ADK: variants seen among roughly 807,000 people sequenced by gnomAD.
ADK encodes the protein N6,N6-dimethyladenosine kinase.
ADK carries 24 observed loss-of-function variants against 44.7 expected under a neutral mutation model. The observed-to-expected ratio is 0.54, with a 90% CI of 0.39 to 0.76. The LOEUF is 0.76. ADK is among the 30% of genes least tolerant of loss of function. The probability of loss-of-function intolerance (pLI) is 0.00; values close to 1 mark genes in which losing one functional copy is unlikely to be tolerated. For missense variants in ADK, 321 were observed against 425.1 expected (o/e 0.76, Z 2.15); for synonymous variants, 128 against 142.6 (o/e 0.90, Z 0.73).
chr10:74,662,104 T>C (rs1295151171), intron 9 of ADK, among the ~76,000 whole-genome samples: 1 of 152,232 alleles, frequency 6.6e-6, no homozygotes, highest in Non-Finnish European at 1.5e-5. Context: ...CTGTTAATAC[T>C]TAATCCATAT....
At chr10:74,627,718 C>A (rs966308329) in intron 9 of ADK, among the ~76,000 whole-genome samples, 1 of 152,026 alleles carries the variant, frequency 6.6e-6, no homozygotes, top group East Asian at 1.9e-4. Flanking sequence ...CTGCAACCTC[C>A]GCCCCCTGGG....
At chr10:74,151,436 C>T in intron 1 of ADK, 93 bp downstream of exon 1, 3 of 1,357,662 alleles carry the variant, frequency 2.2e-6, no homozygotes, top group South Asian at 1.3e-5. Flanking sequence ...TGGGTGGTGT[C>T]TCTCACTGCC....
At chr10:74,677,989 A>T (rs2134222019) in intron 10 of ADK, among the ~76,000 whole-genome samples, 1 of 149,838 alleles carries the variant, frequency 6.7e-6, no homozygotes, top group Non-Finnish European at 1.5e-5. Context: ...AAAAAAAAAA[A>T]AAATAGCCAG....
intron 9 of ADK, among the ~76,000 whole-genome samples, chr10:74,617,157 A>G (rs1852796660): frequency 6.6e-6 from 1 of 152,176 alleles, no homozygotes; most frequent in Admixed American, 6.5e-5. Context: ...ATTCTCATAC[A>G]GTACTTTTTT....
chr10:74,581,021 TACACACACACAC>T (rs143153735), intron 7 of ADK, among the ~76,000 whole-genome samples: 27 of 145,244 alleles, frequency 1.9e-4, no homozygotes, highest in Non-Finnish European at 3.2e-4. Context: ...CAATAATAAA[TACACACACACAC>T]ACACACACAC....
intron 4 of ADK, among the ~76,000 whole-genome samples, chr10:74,345,777 A>G (rs976470953): frequency 2.6e-5 from 4 of 152,220 alleles, no homozygotes; most frequent in African/African-American, 9.7e-5. Context: ...TCAGTAGACT[A>G]TTTCATAAAA....
chr10:74,537,290 C>T (rs1012878540), intron 7 of ADK, among the ~76,000 whole-genome samples: 11 of 152,174 alleles, frequency 7.2e-5, no homozygotes, highest in African/African-American at 2.7e-4. Context: ...TTAAATTACA[C>T]ATCTGAATTG....
At chr10:74,179,672 T>C (rs2132077440) in intron 1 of ADK, among the ~76,000 whole-genome samples, 1 of 152,288 alleles carries the variant, frequency 6.6e-6, no homozygotes, top group South Asian at 2.1e-4. Context: ...TTCTGAGATA[T>C]CAGAACTGAT....
intron 2 of ADK, among the ~76,000 whole-genome samples, chr10:74,205,611 G>A (rs1056282429): frequency 4.0e-5 from 6 of 150,454 alleles, no homozygotes. Context: ...GGGAGGCGGA[G>A]GTTGCAGTAA....
chr10:74,160,725 G>GTGTGTGTGTGTGTA (rs753375980), intron 1 of ADK, among the ~76,000 whole-genome samples: 46 of 150,968 alleles, frequency 3.0e-4, no homozygotes, highest in African/African-American at 8.6e-4. Context: ...GTGTATGTGT[G>GTGTGTGTGTGTGTA]TGTGTAGGTA....
chr10:74,561,413 G>A (rs1850452683), intron 7 of ADK, among the ~76,000 whole-genome samples: 2 of 152,180 alleles, frequency 1.3e-5, no homozygotes, highest in South Asian at 2.1e-4. Context: ...AAGACTAGGA[G>A]TCTGAGGTGA....
intron 6 of ADK, among the ~76,000 whole-genome samples, chr10:74,435,636 C>A (rs1268972833): frequency 6.6e-6 from 1 of 152,070 alleles, no homozygotes; most frequent in Non-Finnish European, 1.5e-5. Flanking sequence ...CTCATAATAG[C>A]AAAATCTTGA....
Position 74,681,806 on chromosome 10 carries a change from C to T in ADK, c.964+11537C>T, listed in dbSNP as rs185324416. On this transcript the variant is annotated intron_variant, in intron 10 of 10. Transcript: ENST00000539909. ...CAGAGGTTGCAGTAACCCAAGATCACGCCACTGCACTCCAGCCTGGGCGAC... is the reference window on the plus strand; with the variant it reads ...CAGAGGTTGCAGTAACCCAAGATCATGCCACTGCACTCCAGCCTGGGCGAC... Among the ~76,000 whole-genome samples, 647 of 148,206 alleles carry T rather than the reference C, an allele frequency of 4.4e-3. 7 individuals carry two copies. Among genetic ancestry groups the T allele is most frequent in the African/African-American group, 0.015 (607 of 40,176 alleles).
At chr10:74,546,465 T>G (rs1849821675) in intron 7 of ADK, among the ~76,000 whole-genome samples, 1 of 152,214 alleles carries the variant, frequency 6.6e-6, no homozygotes, top group Non-Finnish European at 1.5e-5. Flanking sequence ...TCTTTTTATT[T>G]TATTTTAAAC....
chr10:74,595,485 T>C (rs186616384), intron 8 of ADK, among the ~76,000 whole-genome samples: 4 of 138,812 alleles, frequency 2.9e-5, no homozygotes, highest in African/African-American at 1.1e-4. Context: ...CACTCCATTC[T>C]CCTGCCTCAG....
In ADK at chr10:74,416,570, G is replaced by GTT. The variant is rs5786146; in HGVS notation, c.555+18000_555+18001dup. On this transcript the variant is annotated intron_variant, in intron 6 of 10. Coordinates refer to ENST00000539909, the MANE Select transcript of ADK (RefSeq NM_006721.4). ...GGTTTTTGTTTTTGTTTTTGTTTCT[G>GTT]TTTTTTTTTTGTCAATTGTGGTAAG... Among the ~76,000 whole-genome samples the GTT allele has an allele frequency of 5.9e-3, 873 of 147,176 alleles. 8 individuals carry two copies. Among genetic ancestry groups the GTT allele is most frequent in the Middle Eastern group, 0.029 (8 of 280 alleles).
At chr10:74,332,674 A>G (rs1841260952) in intron 4 of ADK, among the ~76,000 whole-genome samples, 1 of 152,202 alleles carries the variant, frequency 6.6e-6, no homozygotes, top group African/African-American at 2.4e-5. Flanking sequence ...ATCTGTTCAT[A>G]ATGAACAAAA....
chr10:74,543,356 T>C (rs1175505676), intron 7 of ADK, among the ~76,000 whole-genome samples: 1 of 152,152 alleles, frequency 6.6e-6, no homozygotes, highest in East Asian at 1.9e-4. Flanking sequence ...ATAATCCTCA[T>C]TTTTTTAGTT....
chr10:74,240,585 T>C (rs1244206689), intron 3 of ADK, among the ~76,000 whole-genome samples: 2 of 152,134 alleles, frequency 1.3e-5, no homozygotes, highest in Non-Finnish European at 2.9e-5. Flanking sequence ...TTAGCAAATA[T>C]TTTTTAGAGG....
Sources: gnomAD v4.1 joint callset for allele counts (sites outside exome capture counted in the v4.1 genomes callset) on GRCh38, gnomAD v4.1.1 for gene constraint, MANE v1.5 for transcripts, NCBI Gene and HGNC (gene_info 2026-07-23, HGNC 2026-07-21) for gene names.